The following TMEFF1 variants were observed in gnomAD, a reference collection of about 807,000 sequenced individuals.
The protein encoded by TMEFF1 is tomoregulin-1.
In TMEFF1, 20 loss-of-function variants were observed where a neutral mutation model predicts 47.5. That is an observed-to-expected ratio of 0.42 (90% CI 0.30 to 0.61). The LOEUF is 0.61. Among genes scored for constraint, TMEFF1 ranks in the 20% least tolerant of loss-of-function variants. The pLI, the probability that TMEFF1 is intolerant of heterozygous loss-of-function variation, is 0.19. For missense variants in TMEFF1, 411 were observed against 471.1 expected (o/e 0.87, Z 1.18); for synonymous variants, 162 against 166.3 (o/e 0.97, Z 0.20).
At position 100,473,468 on chromosome 9, in the gene TMEFF1, G is replaced by T. The variant is rs1415033831; in HGVS notation, c.-77G>T. On this transcript the variant is annotated 5_prime_UTR_variant, in exon 1 of 10. Coordinates refer to ENST00000374879, the MANE Select transcript of TMEFF1 (RefSeq NM_003692.5). This position sits in a 1 kb window ranked among gnomAD's most constrained non-coding sequence, Gnocchi z 5.4. ...GGCTGCTAGGAGGCACCGAGGCAGCGGCGGGGCTCTGGGCGCGCGGCTGGA... is the reference window on the plus strand; with the variant it reads ...GGCTGCTAGGAGGCACCGAGGCAGCTGCGGGGCTCTGGGCGCGCGGCTGGA... 4 of 1,179,770 alleles carry T rather than the reference G, an allele frequency of 3.4e-6. No homozygotes were observed. Among genetic ancestry groups the T allele is most frequent in the Non-Finnish European group, 4.3e-6 (4 of 933,274 alleles). 73.1% of individuals were successfully genotyped at this position (1,179,770 alleles called of 1,614,324 possible).
At chr9:100,518,029 ATTCC>A (rs1838102434) in intron 5 of TMEFF1, among the ~76,000 whole-genome samples, 2 of 152,138 alleles carry the variant, frequency 1.3e-5, no homozygotes, top group Non-Finnish European at 2.9e-5. Context: ...GTCTGTTTTT[ATTCC>A]TTTCGCGGTG....
intron 5 of TMEFF1, among the ~76,000 whole-genome samples, chr9:100,544,982 TGTGGCTCTGCAGGGTACAG>T (rs1176782684): frequency 1.3e-5 from 2 of 152,196 alleles, no homozygotes; most frequent in Non-Finnish European, 2.9e-5. Context: ...GCTGCACCTT[TGTGGCTCTGCAGGGTACAG>T]GTGGCTCTGC....
At chr9:100,502,854 A>G (rs368720493) in intron 2 of TMEFF1, among the ~76,000 whole-genome samples, 39 of 152,270 alleles carry the variant, frequency 2.6e-4, no homozygotes, top group African/African-American at 8.4e-4. Context: ...ACCATTAGAC[A>G]TTTATCCAGT....
intron 2 of TMEFF1, among the ~76,000 whole-genome samples, chr9:100,505,410 C>CAAAAAA (rs60312984): frequency 1.1e-3 from 29 of 26,448 alleles, no homozygotes; most frequent in Non-Finnish European, 1.3e-3. Flanking sequence ...GACCCTGTCT[C>CAAAAAA]AAAAAAAAAA....
intron 5 of TMEFF1, among the ~76,000 whole-genome samples, chr9:100,536,157 T>C (rs905557818): frequency 1.3e-5 from 2 of 152,236 alleles, no homozygotes; most frequent in Non-Finnish European, 2.9e-5. Flanking sequence ...TAGAAGCGTG[T>C]CATTTATTTC....
chr9:100,554,365 A>G (rs117875918), intron 7 of TMEFF1, among the ~76,000 whole-genome samples: 1 of 152,166 alleles, frequency 6.6e-6, no homozygotes, highest in African/African-American at 2.4e-5. Flanking sequence ...GAGGATGATT[A>G]GCAGGCTCCT....
intron 5 of TMEFF1, among the ~76,000 whole-genome samples, 170 bp downstream of exon 5, chr9:100,516,941 T>C (rs1177591568): frequency 6.6e-6 from 1 of 152,212 alleles, no homozygotes; most frequent in African/African-American, 2.4e-5. Flanking sequence ...ACTATGGCTA[T>C]TTAAATCAGT....
chr9:100,493,193 C>T (rs1837587583), intron 1 of TMEFF1, among the ~76,000 whole-genome samples: 1 of 152,034 alleles, frequency 6.6e-6, no homozygotes, highest in Non-Finnish European at 1.5e-5. Context: ...TAAACAACCT[C>T]CAGTGTACAG....
In TMEFF1 at chr9:100,561,523, A is replaced by G; in HGVS notation, c.899+3A>G. ...TCTACTCAGAAGGCTTCTTGTAGGT[A>G]AGTCAGCGCTTCCAGATCAGTGGTG... On this transcript the variant is annotated splice_donor_region_variant and intron_variant, in intron 8 of 9. Coordinates refer to ENST00000374879, the MANE Select transcript of TMEFF1 (RefSeq NM_003692.5). The G allele has an allele frequency of 6.2e-7, 1 of 1,610,550 alleles. No homozygotes were observed. The highest frequency in any genetic ancestry group is 2.2e-5 in the East Asian group (1 of 44,764).
chr9:100,492,788 G>A (rs1288511525), intron 1 of TMEFF1, among the ~76,000 whole-genome samples: 3 of 152,076 alleles, frequency 2.0e-5, no homozygotes, highest in Non-Finnish European at 4.4e-5. Context: ...CTGGATCTGA[G>A]GTTGCTTTGA....
Position 100,542,925 on chromosome 9 carries a change from T to C in TMEFF1, c.561-4819T>C, listed in dbSNP as rs574448071. Among the ~76,000 whole-genome samples, 103 of 56,922 alleles carry C rather than the reference T, an allele frequency of 1.8e-3. 1 individual carries two copies. Among genetic ancestry groups the C allele is most frequent in the African/African-American group, 4.5e-3 (92 of 20,584 alleles). The allele number at this position is 56,922 out of a possible 152,430, so 37.3% of individuals were successfully genotyped here. A position where few individuals can be genotyped will look rare whatever the true frequency, so the allele number is the denominator to read the frequency against. On this transcript the variant is annotated intron_variant, in intron 5 of 9. Coordinates refer to ENST00000374879, the MANE Select transcript of TMEFF1 (RefSeq NM_003692.5). ...GACTCTTCCATCTCTCTCTCTCTCT[T>C]TTTTTTTTTTTTTTTTTTTTGAGAC...
At chr9:100,496,471 C>A (rs144968751) in intron 1 of TMEFF1, among the ~76,000 whole-genome samples, 1 of 152,302 alleles carries the variant, frequency 6.6e-6, no homozygotes, top group East Asian at 1.9e-4. Context: ...AACTCCTGAC[C>A]TCAGGTGATC....
chr9:100,555,371 C>A (rs1838898881), intron 7 of TMEFF1, among the ~76,000 whole-genome samples: 1 of 152,166 alleles, frequency 6.6e-6, no homozygotes, highest in Admixed American at 6.5e-5. Flanking sequence ...TCTTTTGAGG[C>A]TTTTTATCTT....
intron 1 of TMEFF1, among the ~76,000 whole-genome samples, chr9:100,480,594 C>A (rs1837321965): frequency 6.6e-6 from 1 of 152,032 alleles, no homozygotes; most frequent in Admixed American, 6.6e-5. Flanking sequence ...TATTTTTAAG[C>A]CCCTGTTCTA....
intron 1 of TMEFF1, among the ~76,000 whole-genome samples, chr9:100,490,836 G>GGT (rs10654628): frequency 0.53 from 71,325 of 135,692 alleles, 18,351 homozygotes; most frequent in East Asian, 0.66. Flanking sequence ...TTATATGTAT[G>GGT]GTGTGTGTGT....
chr9:100,550,306 T>G, intron 7 of TMEFF1, 146 bp downstream of exon 7: 1 of 660,046 alleles, frequency 1.5e-6, no homozygotes, highest in African/African-American at 1.9e-5. Flanking sequence ...TTAGTATTAA[T>G]AGTAACAGAA....
intron 7 of TMEFF1, among the ~76,000 whole-genome samples, chr9:100,553,534 A>T (rs1038693255): frequency 1.6e-4 from 25 of 152,150 alleles, no homozygotes; most frequent in Non-Finnish European, 3.5e-4. Context: ...TGCTTGTGAA[A>T]TGGAGCATTT....
At chr9:100,573,332 G>A (rs920431529) in intron 9 of TMEFF1, among the ~76,000 whole-genome samples, 2 of 152,128 alleles carry the variant, frequency 1.3e-5, no homozygotes, top group Non-Finnish European at 2.9e-5. Context: ...CAGGATTGCA[G>A]CGATAAGTAA....
chr9:100,554,795 A>G (rs1229249333), intron 7 of TMEFF1, among the ~76,000 whole-genome samples: 1 of 152,014 alleles, frequency 6.6e-6, no homozygotes, highest in African/African-American at 2.4e-5. Flanking sequence ...GGGAAGCAAG[A>G]CAGAATATTT....
Sources: allele counts gnomAD v4.1 joint callset (sites outside exome capture counted in the v4.1 genomes callset), GRCh38; gene constraint gnomAD v4.1.1; non-coding constraint Gnocchi (gnomAD v3.1); transcripts MANE v1.5; gene names NCBI Gene and HGNC (gene_info 2026-07-23, HGNC 2026-07-21).